The following CPED1 variants were observed in gnomAD, a reference collection of about 807,000 sequenced individuals.
CPED1 encodes the protein cadherin like and PC-esterase domain containing 1, also known as cadherin-like and PC-esterase domain-containing protein 1.
CPED1 carries 114 observed loss-of-function variants against 128.2 expected under a neutral mutation model. The observed-to-expected ratio is 0.89, with a 90% CI of 0.76 to 1.04. The LOEUF is 1.04. CPED1 is among the 50% of genes least tolerant of loss of function. CPED1 has a pLI of 0.00. For missense variants in CPED1, 1,211 were observed against 1,207.1 expected (o/e 1.00, Z -0.05); for synonymous variants, 462 against 426.7 (o/e 1.08, Z -1.02).
chr7:121,131,204 A>G (rs1041742783), intron 12 of CPED1, among the ~76,000 whole-genome samples: 1 of 152,118 alleles, frequency 6.6e-6, no homozygotes. Context: ...TATTTTTACA[A>G]TTCAAAAATT....
chr7:121,133,674 C>A, intron 12 of CPED1, 149 bp from the exon 13 acceptor site: 1 of 545,338 alleles, frequency 1.8e-6, no homozygotes, highest in Non-Finnish European at 3.3e-6. Context: ...GGTAGATTGC[C>A]AGTTTTGAGG....
At chr7:121,013,920 A>G (rs1187922623) in intron 2 of CPED1, among the ~76,000 whole-genome samples, 1 of 152,268 alleles carries the variant, frequency 6.6e-6, no homozygotes, top group Non-Finnish European at 1.5e-5. Flanking sequence ...CATGTACCAT[A>G]TATCATGTCT....
At chr7:121,032,530 G>A (rs1206071014) in intron 3 of CPED1, among the ~76,000 whole-genome samples, 1 of 121,818 alleles carries the variant, frequency 8.2e-6, no homozygotes, top group Non-Finnish European at 1.7e-5. Flanking sequence ...CGCGGGGGGG[G>A]CCTGTCAGGG....
chr7:121,163,788 A>G (rs771886766), intron 16 of CPED1, among the ~76,000 whole-genome samples: 2 of 152,210 alleles, frequency 1.3e-5, no homozygotes, highest in Non-Finnish European at 2.9e-5. Context: ...CAAGACAGCT[A>G]TCAGTTCAAT....
chr7:121,218,199 T>C (rs981428031), intron 16 of CPED1, among the ~76,000 whole-genome samples: 1 of 151,446 alleles, frequency 6.6e-6, no homozygotes, highest in African/African-American at 2.4e-5. Flanking sequence ...TTTACCATGT[T>C]GGCCAGGCTG....
chr7:121,175,961 C>G (rs935368487), intron 16 of CPED1, among the ~76,000 whole-genome samples: 4 of 151,908 alleles, frequency 2.6e-5, no homozygotes, highest in Non-Finnish European at 4.4e-5. Context: ...GAAACAGTGG[C>G]AGCAGGGGTC....
At chr7:121,084,794 G>A (rs1794380475) in intron 5 of CPED1, among the ~76,000 whole-genome samples, 1 of 152,232 alleles carries the variant, frequency 6.6e-6, no homozygotes, top group Non-Finnish European at 1.5e-5. Context: ...AGGGGACAAT[G>A]TGTTGTTGCA....
intron 4 of CPED1, chr7:121,061,078 A>G (rs1040388973): frequency 1.3e-5 from 2 of 155,366 alleles, no homozygotes; most frequent in African/African-American, 4.8e-5. Flanking sequence ...ACATCTGAAT[A>G]TCAGAAGGGG....
At chr7:121,097,554 G>C in intron 5 of CPED1, 145 bp from the exon 6 acceptor site, 1 of 822,892 alleles carries the variant, frequency 1.2e-6, no homozygotes, top group Non-Finnish European at 1.9e-6. Context: ...ATACTTAGTG[G>C]ATCCATTTTT....
At chr7:121,085,723 C>G (rs1412113065) in intron 5 of CPED1, among the ~76,000 whole-genome samples, 3 of 152,214 alleles carry the variant, frequency 2.0e-5, no homozygotes, top group African/African-American at 4.8e-5. Context: ...TAGTTTCACA[C>G]TAAAACTGCA....
intron 7 of CPED1, among the ~76,000 whole-genome samples, chr7:121,117,504 T>C (rs1368184120): frequency 6.6e-6 from 1 of 152,132 alleles, no homozygotes; most frequent in Non-Finnish European, 1.5e-5. Context: ...TTTTTTTCTC[T>C]TTTTCTTCTA....
intron 2 of CPED1, among the ~76,000 whole-genome samples, chr7:120,997,916 C>T (rs773032513): frequency 2.2e-5 from 3 of 135,010 alleles, no homozygotes; most frequent in Non-Finnish European, 4.7e-5. Context: ...GAGCAAAACT[C>T]GGTCTCGAAA....
chr7:121,047,781 G>C (rs1354347690), intron 4 of CPED1, among the ~76,000 whole-genome samples: 2 of 149,668 alleles, frequency 1.3e-5, no homozygotes. Flanking sequence ...CGCGATCTCG[G>C]CTTACTGCAA....
rs886219679 is a variant in CPED1 at position 121,195,797 on chromosome 7, G to A, written c.2056-40917G>A. On this transcript the variant is annotated intron_variant, in intron 16 of 22. Transcript: ENST00000310396. ...AAAACACAACTTGCTGCTTATTACCGGTATCTTGACTTCTAACAAAACCTC... is the reference window on the plus strand; with the variant it reads ...AAAACACAACTTGCTGCTTATTACCAGTATCTTGACTTCTAACAAAACCTC... Among the ~76,000 whole-genome samples the A allele has an allele frequency of 1.2e-4, 18 of 152,138 alleles. 1 individual carries two copies. The highest frequency in any genetic ancestry group is 2.9e-4 in the African/African-American group (12 of 41,518).
At chr7:121,192,555 A>G (rs1206483993) in intron 16 of CPED1, among the ~76,000 whole-genome samples, 1 of 152,050 alleles carries the variant, frequency 6.6e-6, no homozygotes, top group Non-Finnish European at 1.5e-5. Flanking sequence ...AGCTAACCTT[A>G]AGTTATTCTT....
intron 16 of CPED1, among the ~76,000 whole-genome samples, chr7:121,148,054 T>G (rs906481673): frequency 1.3e-5 from 2 of 152,104 alleles, no homozygotes; most frequent in Non-Finnish European, 2.9e-5. Flanking sequence ...GAATAGGGAG[T>G]GCATTTATCA....
chr7:121,257,276 C>G (rs572682906), intron 18 of CPED1, among the ~76,000 whole-genome samples: 2 of 152,118 alleles, frequency 1.3e-5, no homozygotes, highest in Non-Finnish European at 2.9e-5. Flanking sequence ...CAAGACCCTT[C>G]AAAGCATGTG....
chr7:121,034,249 T>TTTC (rs2116867535), intron 3 of CPED1, among the ~76,000 whole-genome samples: 1 of 139,110 alleles, frequency 7.2e-6, no homozygotes, highest in East Asian at 2.0e-4. Context: ...TTTTTTTTCT[T>TTTC]TTTTTTTTTT....
In CPED1 at chr7:121,000,606, C is replaced by A. The variant is rs548075502; in HGVS notation, c.249+10736C>A. ...TGTCCCTAACCTTTATCTGGGTGTTCTCAGTAGGAACCCCTACCGTTCATT... is the reference window on the plus strand; with the variant it reads ...TGTCCCTAACCTTTATCTGGGTGTTATCAGTAGGAACCCCTACCGTTCATT... On this transcript the variant is annotated intron_variant, in intron 2 of 22. Coordinates refer to ENST00000310396, the MANE Select transcript of CPED1 (RefSeq NM_024913.5). 6.6e-5 allele frequency among the ~76,000 whole-genome samples: 10 copies of A among 152,168 alleles called. No individual in the cohort carries two copies. In the South Asian group the frequency reaches 2.1e-3, roughly 32 times the overall value.
Sources: allele counts gnomAD v4.1 joint callset (sites outside exome capture counted in the v4.1 genomes callset), GRCh38; gene constraint gnomAD v4.1.1; transcripts MANE v1.5; gene names NCBI Gene and HGNC (gene_info 2026-07-23, HGNC 2026-07-21).